COG5: variants seen among roughly 807,000 people sequenced by gnomAD.
COG5 encodes the protein component of oligomeric golgi complex 5, also known as conserved oligomeric Golgi complex subunit 5.
A neutral mutation model predicts 110.4 loss-of-function variants in COG5; 86 were observed. That is an observed-to-expected ratio of 0.78 (90% CI 0.65 to 0.93). The LOEUF is 0.93. Ranked by LOEUF, COG5 falls within the 40% of genes least tolerant of loss-of-function variation. The pLI is 0.00. For synonymous variants in COG5, 360 were observed against 334.6 expected, an observed-to-expected ratio of 1.08 and a Z score of -0.83; for missense variants, 1,077 against 987.0, an observed-to-expected ratio of 1.09 and a Z score of -1.22.
intron 7 of COG5, among the ~76,000 whole-genome samples, chr7:107,409,339 A>T (rs1792104063): frequency 6.6e-6 from 1 of 150,678 alleles, no homozygotes; most frequent in African/African-American, 2.5e-5. Flanking sequence ...TGAGAAAAGA[A>T]AAAAAAAGTC....
intron 14 of COG5, among the ~76,000 whole-genome samples, chr7:107,276,975 C>A (rs1467576741): frequency 6.6e-6 from 1 of 152,168 alleles, no homozygotes; most frequent in South Asian, 2.1e-4. Context: ...AAGTTAAACA[C>A]ATATTGCAGG....
chr7:107,361,472 G>C (rs1321267488), intron 10 of COG5, among the ~76,000 whole-genome samples: 1 of 152,160 alleles, frequency 6.6e-6, no homozygotes, highest in Non-Finnish European at 1.5e-5. Context: ...CAGAAAATGA[G>C]AAATTAGTAT....
At chr7:107,385,212 GGAACCACCA>G (rs1790100305) in intron 7 of COG5, among the ~76,000 whole-genome samples, 1 of 152,148 alleles carries the variant, frequency 6.6e-6, no homozygotes, top group African/African-American at 2.4e-5. Context: ...GAGATTGATG[GGAACCACCA>G]GAACCTCACA....
intron 12 of COG5, among the ~76,000 whole-genome samples, chr7:107,290,115 T>A (rs772940468): frequency 6.6e-6 from 1 of 152,212 alleles, no homozygotes; most frequent in Non-Finnish European, 1.5e-5. Context: ...ATGAAACAAA[T>A]GCATAACTGA....
At chr7:107,427,732 TGGGCTG>T (rs1392588443) in intron 6 of COG5, among the ~76,000 whole-genome samples, 3 of 152,086 alleles carry the variant, frequency 2.0e-5, no homozygotes, top group African/African-American at 7.2e-5. Flanking sequence ...AGCCTGTGGC[TGGGCTG>T]GGATTGCCCC....
At chr7:107,353,424 CAAAAAA>C (rs1169669994) in intron 10 of COG5, among the ~76,000 whole-genome samples, 5 of 84,094 alleles carry the variant, frequency 5.9e-5, no homozygotes, top group Admixed American at 2.6e-4. Context: ...GACTCCGTCT[CAAAAAA>C]AAAAAAAAAA....
At chr7:107,221,276 A>C (rs913955264) in intron 19 of COG5, among the ~76,000 whole-genome samples, 6 of 146,448 alleles carry the variant, frequency 4.1e-5, no homozygotes, top group African/African-American at 1.5e-4. Context: ...AGAAGACCCC[A>C]GGGGTGGGGG....
At chr7:107,467,670 T>C (rs1178886161) in intron 6 of COG5, among the ~76,000 whole-genome samples, 2 of 152,176 alleles carry the variant, frequency 1.3e-5, no homozygotes, top group African/African-American at 4.8e-5. Flanking sequence ...ATTTTTTTCA[T>C]GAAAATAATA....
chr7:107,474,130 G>A lies in COG5; in HGVS notation c.538+53107C>T. ...TAACATTACAGTGCGAGATGACATT[G>A]ATGACATCAACACCAATATGTACCA... On this transcript the variant is annotated intron_variant, in intron 6 of 21. Coordinates refer to ENST00000297135, the MANE Select transcript of COG5 (RefSeq NM_006348.5). The surrounding 1 kb of genome is among the most constrained non-coding windows in gnomAD (Gnocchi z 5.7). The A allele has an allele frequency of 6.2e-7, 1 of 1,608,218 alleles. No individual in the cohort carries two copies. The highest frequency in any genetic ancestry group is 8.5e-7 in the Non-Finnish European group (1 of 1,175,312).
At chr7:107,390,666 TCTC>T (rs1184705000) in intron 7 of COG5, among the ~76,000 whole-genome samples, 2 of 150,928 alleles carry the variant, frequency 1.3e-5, no homozygotes, top group East Asian at 1.9e-4. Flanking sequence ...TGCAAGATCA[TCTC>T]CTGGTTAGAC....
At chr7:107,462,611 T>TAA (rs370588173) in intron 6 of COG5, among the ~76,000 whole-genome samples, 28,227 of 111,818 alleles carry the variant, frequency 0.25, 3,321 homozygotes, top group East Asian at 0.36. Flanking sequence ...GAAAAATGCC[T>TAA]AAAAAAAAAA....
chr7:107,440,537 T>C (rs1252190694), intron 6 of COG5, among the ~76,000 whole-genome samples: 3 of 152,130 alleles, frequency 2.0e-5, no homozygotes, highest in Non-Finnish European at 4.4e-5. Flanking sequence ...GCTAATAGAA[T>C]GATGGTGGCC....
At chr7:107,478,941 G>C (rs1460442485) in intron 6 of COG5, among the ~76,000 whole-genome samples, 1 of 151,942 alleles carries the variant, frequency 6.6e-6, no homozygotes, top group South Asian at 2.1e-4. Context: ...TGCATTTCAT[G>C]ATTACACAAT....
chr7:107,470,257 A>G (rs1796556508), intron 6 of COG5: 1 of 152,194 alleles, frequency 6.6e-6, no homozygotes, highest in East Asian at 1.9e-4. Context: ...GCAGCACTAC[A>G]TGTTCCATAC....
chr7:107,490,953 C>G (rs1322005112), intron 6 of COG5, among the ~76,000 whole-genome samples: 1 of 152,022 alleles, frequency 6.6e-6, no homozygotes, highest in Non-Finnish European at 1.5e-5. Flanking sequence ...TCTTAAAATA[C>G]CTAGCCTCCA....
At chr7:107,331,989 C>T (rs534042203) in intron 10 of COG5, among the ~76,000 whole-genome samples, 50 of 152,126 alleles carry the variant, frequency 3.3e-4, no homozygotes, top group African/African-American at 1.1e-3. Context: ...GCTGGGATTA[C>T]AGGCACCTGC....
intron 11 of COG5, among the ~76,000 whole-genome samples, chr7:107,305,059 A>G (rs1328067074): frequency 6.6e-6 from 1 of 152,230 alleles, no homozygotes; most frequent in African/African-American, 2.4e-5. Flanking sequence ...AAGGTTAGAG[A>G]AGAGACAGAC....
chr7:107,314,582 C>CAAAA (rs764317288), intron 11 of COG5, among the ~76,000 whole-genome samples: 44 of 54,800 alleles, frequency 8.0e-4, no homozygotes, highest in African/African-American at 1.7e-3. Flanking sequence ...ATCTCTACTA[C>CAAAA]AAAAAAAAAA....
chr7:107,241,780 A>T (rs927718267), intron 17 of COG5, among the ~76,000 whole-genome samples: 1 of 151,694 alleles, frequency 6.6e-6, no homozygotes, highest in Non-Finnish European at 1.5e-5. Flanking sequence ...TAAAATAGAG[A>T]CTGATCTTTC....
Sources: allele counts gnomAD v4.1 joint callset (sites outside exome capture counted in the v4.1 genomes callset), GRCh38; gene constraint gnomAD v4.1.1; non-coding constraint Gnocchi (gnomAD v3.1); transcripts MANE v1.5; gene names NCBI Gene and HGNC (gene_info 2026-07-23, HGNC 2026-07-21).